PCDHGA4: variants seen among roughly 807,000 people sequenced by gnomAD.
PCDHGA4 encodes the protein protocadherin gamma-A4.
Under a neutral mutation model 54.6 loss-of-function variants are expected in PCDHGA4, and 38 were observed. That is an observed-to-expected ratio of 0.70 (90% CI 0.54 to 0.91). PCDHGA4 has a LOEUF of 0.91. Among genes scored for constraint, PCDHGA4 ranks in the 40% least tolerant of loss-of-function variants. The pLI is 0.00. For missense variants in PCDHGA4, 1,298 were observed against 1,220.9 expected (o/e 1.06, Z -0.94); for synonymous variants, 511 against 512.9 (o/e 1.00, Z 0.05).
At chr5:141,497,878 C>T (rs553853040) in intron 2 of PCDHGA4, among the ~76,000 whole-genome samples, 32 of 152,256 alleles carry the variant, frequency 2.1e-4, no homozygotes, top group Non-Finnish European at 3.5e-4. Flanking sequence ...GTGAAATAAG[C>T]GTTAGGATCT....
At chr5:141,468,160 G>C (rs2099158881) in intron 1 of PCDHGA4, among the ~76,000 whole-genome samples, 1 of 151,468 alleles carries the variant, frequency 6.6e-6, no homozygotes, top group African/African-American at 2.4e-5. Context: ...CCCTGTCTCT[G>C]CTAAAAATAG....
chr5:141,438,597 T>C (rs1343540280), intron 1 of PCDHGA4, among the ~76,000 whole-genome samples: 20 of 38,918 alleles, frequency 5.1e-4, no homozygotes, highest in African/African-American at 1.6e-3. Flanking sequence ...CATACATATA[T>C]ATATATATAT....
At chr5:141,403,565 G>A in intron 1 of PCDHGA4, 8 of 1,613,952 alleles carry the variant, frequency 5.0e-6, no homozygotes, top group Non-Finnish European at 6.8e-6. Context: ...CAGGGAGGAG[G>A]CAACTGCCCA....
At chr5:141,389,288 T>C (rs1434265418) in intron 1 of PCDHGA4, 1 of 1,613,906 alleles carries the variant, frequency 6.2e-7, no homozygotes, top group Admixed American at 1.7e-5. Flanking sequence ...CTGGAGCCTC[T>C]ATTTCACAAG....
chr5:141,493,979 C>T lies in PCDHGA4; in HGVS notation c.2515-828C>T, dbSNP rs1273325447. ...GAAGTGGCTGGCCAGAGCCCCACAC[C>T]TTCAGCTAGGTGGGAGATGGCTACA... is the stretch of plus-strand genomic sequence containing the variant. On this transcript the variant is annotated intron_variant, in intron 1 of 3. Coordinates refer to ENST00000571252, the MANE Select transcript of PCDHGA4 (RefSeq NM_018917.4). The surrounding 1 kb of genome is among the most constrained non-coding windows in gnomAD (Gnocchi z 4.3). Among the ~76,000 whole-genome samples, 1 of 152,182 alleles carries T rather than the reference C, an allele frequency of 6.6e-6. No individual in the cohort carries two copies. Among genetic ancestry groups the T allele is most frequent in the Non-Finnish European group, 1.5e-5 (1 of 68,032 alleles).
chr5:141,421,970 A>C, intron 1 of PCDHGA4: 1 of 1,610,928 alleles, frequency 6.2e-7, no homozygotes, highest in Middle Eastern at 1.7e-4. Flanking sequence ...CAGTCCGTAT[A>C]TCGCGTGAGT....
intron 1 of PCDHGA4, chr5:141,428,729 A>T (rs1362138016): frequency 6.3e-6 from 1 of 159,768 alleles, no homozygotes; most frequent in East Asian, 1.8e-4. Flanking sequence ...AATCTTAAAC[A>T]TATTATATCT....
At chr5:141,375,620 A>T in intron 1 of PCDHGA4, 1 of 1,614,156 alleles carries the variant, frequency 6.2e-7, no homozygotes, top group African/African-American at 1.3e-5. Flanking sequence ...CGACACTGGG[A>T]TTCTGTACGC....
intron 1 of PCDHGA4, among the ~76,000 whole-genome samples, chr5:141,438,263 A>G (rs2097944986): frequency 6.6e-6 from 1 of 152,144 alleles, no homozygotes; most frequent in South Asian, 2.1e-4. Flanking sequence ...AAGAGACCAT[A>G]GAATCAAACA....
At position 141,431,639 on chromosome 5, in the gene PCDHGA4, C is replaced by T; in HGVS notation, c.2515-63168C>T. 1 of 1,614,262 alleles carries T rather than the reference C, an allele frequency of 6.2e-7. No homozygotes were observed. The highest frequency in any genetic ancestry group is 8.5e-7 in the Non-Finnish European group (1 of 1,180,046). On this transcript the variant is annotated intron_variant, in intron 1 of 3. Transcript: ENST00000571252. This position sits in a 1 kb window ranked among gnomAD's most constrained non-coding sequence, Gnocchi z 4.8. Reference sequence around the variant, plus strand: ...CGACAAGGCGGCCCAAGTTTTCAAACTAGATTGTAATTCAGGGACAATATC... The same window carrying T: ...CGACAAGGCGGCCCAAGTTTTCAAATTAGATTGTAATTCAGGGACAATATC...
chr5:141,360,108 T>A, intron 1 of PCDHGA4: 1 of 1,555,128 alleles, frequency 6.4e-7, no homozygotes. Context: ...ATTCCTCCTA[T>A]GGGCAAAGGA....
chr5:141,512,275 A>G lies in PCDHGA4; in HGVS notation c.*1102A>G, dbSNP rs368275103. 1 of 152,730 alleles carries G rather than the reference A, an allele frequency of 6.5e-6. No individual in the cohort carries two copies. The highest frequency in any genetic ancestry group is 2.1e-4 in the South Asian group (1 of 4,824). The allele number at this position is 152,730 out of a possible 1,614,324, so 9.5% of individuals were successfully genotyped here. ...GGGTGCTGGGTACTCCAGAGGTGCC[A>G]CTGGTGGAAGGGTCAGCGGAGCCCC... On this transcript the variant is annotated 3_prime_UTR_variant, in exon 4 of 4. Transcript: ENST00000571252.
intron 1 of PCDHGA4, chr5:141,413,804 CCATTCACCACCTGGTCCTCA>C: frequency 1.2e-6 from 2 of 1,613,194 alleles, no homozygotes; most frequent in Non-Finnish European, 1.7e-6. Flanking sequence ...GAGGAAGAGG[CCATTCACCACCTGGTCCTCA>C]CCGCCTCCGA....
intron 3 of PCDHGA4, among the ~76,000 whole-genome samples, chr5:141,506,402 G>A (rs1032556978): frequency 2.8e-5 from 4 of 143,790 alleles, no homozygotes; most frequent in East Asian, 2.0e-4. Flanking sequence ...GCAGAAAATC[G>A]CACCACTGCA....
At chr5:141,373,899 T>C in intron 1 of PCDHGA4, 1 of 545,494 alleles carries the variant, frequency 1.8e-6, no homozygotes. Flanking sequence ...TCAAGTTACA[T>C]CCTCCAACAA....
At chr5:141,376,334 C>A (rs11575955) in intron 1 of PCDHGA4, 21,352 of 1,614,178 alleles carry the variant, frequency 0.013, 167 homozygotes, top group Non-Finnish European at 0.016. Flanking sequence ...GGCTTTCCTG[C>A]AGACCTATTC....
At chr5:141,393,337 A>G (rs556749112) in intron 1 of PCDHGA4, 28 of 1,613,772 alleles carry the variant, frequency 1.7e-5, no homozygotes, top group African/African-American at 5.3e-5. Flanking sequence ...CTCAGCCCCA[A>G]TCACCACTTC....
chr5:141,446,130 CTT>C (rs1191897284), intron 1 of PCDHGA4, among the ~76,000 whole-genome samples: 2 of 152,076 alleles, frequency 1.3e-5, no homozygotes, highest in African/African-American at 4.8e-5. Context: ...TTCAATAAGA[CTT>C]AATAATGGAA....
At chr5:141,383,164 A>G (rs1778887278) in intron 1 of PCDHGA4, 1 of 1,614,016 alleles carries the variant, frequency 6.2e-7, no homozygotes, top group Non-Finnish European at 8.5e-7. Context: ...CACTGCGGGC[A>G]GGATAGACCG....
Sources: gnomAD v4.1 joint callset for allele counts (sites outside exome capture counted in the v4.1 genomes callset) on GRCh38, gnomAD v4.1.1 for gene constraint, Gnocchi (gnomAD v3.1) non-coding constraint, MANE v1.5 for transcripts, NCBI Gene and HGNC (gene_info 2026-07-23, HGNC 2026-07-21) for gene names.